MEMO1: variants seen among roughly 807,000 people sequenced by gnomAD.
MEMO1 encodes the protein mediator of cell motility 1.
MEMO1 carries 6 observed loss-of-function variants against 45.2 expected under a neutral mutation model. That is an observed-to-expected ratio of 0.13 (90% CI 0.07 to 0.26). The LOEUF is 0.26. Among genes scored for constraint, MEMO1 ranks in the 10% least tolerant of loss-of-function variants. MEMO1 has a pLI of 1.00. For synonymous variants in MEMO1, 78 were observed against 124.3 expected, an observed-to-expected ratio of 0.63 and a Z score of 2.48; for missense variants, 184 against 370.5, an observed-to-expected ratio of 0.50 and a Z score of 4.13.
intron 4 of MEMO1, among the ~76,000 whole-genome samples, chr2:31,925,923 G>T (rs1683030134): frequency 6.6e-6 from 1 of 152,150 alleles, no homozygotes; most frequent in Non-Finnish European, 1.5e-5. Context: ...TGCTGCATAT[G>T]GAAGTATGTT....
At chr2:31,927,630 T>C (rs1453981515) in intron 4 of MEMO1, among the ~76,000 whole-genome samples, 17 of 142,794 alleles carry the variant, frequency 1.2e-4, no homozygotes. Flanking sequence ...AAGACATTTT[T>C]ATATTTTGTA....
intron 4 of MEMO1, among the ~76,000 whole-genome samples, chr2:31,925,631 G>A (rs1249575790): frequency 1.3e-5 from 2 of 152,046 alleles, no homozygotes; most frequent in African/African-American, 4.8e-5. Flanking sequence ...CTATGCAGCA[G>A]TCCATAAAAT....
At chr2:31,870,512 G>C (rs746958742) in intron 8 of MEMO1, among the ~76,000 whole-genome samples, 1 of 152,032 alleles carries the variant, frequency 6.6e-6, no homozygotes, top group Non-Finnish European at 1.5e-5. Context: ...AAAATGACAC[G>C]AACTAAGAAA....
At chr2:31,982,279 G>A (rs1273246293) in intron 2 of MEMO1, among the ~76,000 whole-genome samples, 4 of 139,520 alleles carry the variant, frequency 2.9e-5, no homozygotes, top group Non-Finnish European at 6.2e-5. Flanking sequence ...CCTGGTGACA[G>A]AGGAAGACTC....
At chr2:31,913,348 G>C (rs1680906422) in intron 6 of MEMO1, among the ~76,000 whole-genome samples, 1 of 151,632 alleles carries the variant, frequency 6.6e-6, no homozygotes, top group Non-Finnish European at 1.5e-5. Context: ...AAAAATGGGG[G>C]GAAGCTTAAA....
chr2:31,905,169 G>C (rs1159329585), intron 6 of MEMO1, among the ~76,000 whole-genome samples: 2 of 152,140 alleles, frequency 1.3e-5, no homozygotes, highest in African/African-American at 4.8e-5. Flanking sequence ...GGGAGGTGGA[G>C]GCTGTGGTGA....
At chr2:31,970,940 G>T (rs1341793881) in intron 2 of MEMO1, among the ~76,000 whole-genome samples, 2 of 152,176 alleles carry the variant, frequency 1.3e-5, no homozygotes, top group Non-Finnish European at 2.9e-5. Flanking sequence ...GAAGGTGGAG[G>T]TTGCAGTGAG....
chr2:32,004,680 T>C (rs905820821), intron 2 of MEMO1, among the ~76,000 whole-genome samples: 2 of 151,786 alleles, frequency 1.3e-5, no homozygotes, highest in African/African-American at 2.4e-5. Flanking sequence ...CCCAGTACTT[T>C]GGGAGGCTGA....
chr2:31,921,118 G>A (rs955134237), intron 4 of MEMO1, among the ~76,000 whole-genome samples: 1 of 152,110 alleles, frequency 6.6e-6, no homozygotes, highest in African/African-American at 2.4e-5. Flanking sequence ...TAGAGATAAG[G>A]TCTTCAAAGA....
At chr2:31,925,475 C>CAAAAAAAAA (rs70964741) in intron 4 of MEMO1, among the ~76,000 whole-genome samples, 11,459 of 77,886 alleles carry the variant, frequency 0.15, 1,874 homozygotes, top group Non-Finnish European at 0.19. Context: ...GACTCCGTCT[C>CAAAAAAAAA]AAAAAAAAAA....
intron 6 of MEMO1, among the ~76,000 whole-genome samples, chr2:31,901,140 G>C (rs1314243162): frequency 6.6e-6 from 1 of 152,104 alleles, no homozygotes; most frequent in Admixed American, 6.5e-5. Context: ...GGGAAGCCAA[G>C]ATGGGCAGAT....
intron 8 of MEMO1, among the ~76,000 whole-genome samples, chr2:31,870,388 G>A (rs1461097065): frequency 6.6e-6 from 1 of 151,904 alleles, no homozygotes; most frequent in South Asian, 2.1e-4. Flanking sequence ...CCTCCTATTG[G>A]CATGAAAAAT....
intron 2 of MEMO1, among the ~76,000 whole-genome samples, chr2:31,993,841 C>CTATT (rs1367313092): frequency 5.3e-5 from 8 of 151,358 alleles, no homozygotes; most frequent in African/African-American, 1.9e-4. Flanking sequence ...CCAAACTATC[C>CTATT]TATTTTTTAT....
chr2:31,970,405 A>C (rs1669244092), intron 2 of MEMO1, among the ~76,000 whole-genome samples: 1 of 152,202 alleles, frequency 6.6e-6, no homozygotes, highest in African/African-American at 2.4e-5. Flanking sequence ...ACATAATTCT[A>C]ATTTAGTTGA....
chr2:31,927,249 G>A (rs1159726364), intron 4 of MEMO1, among the ~76,000 whole-genome samples: 1 of 152,170 alleles, frequency 6.6e-6, no homozygotes, highest in Admixed American at 6.5e-5. Context: ...GAATCCAGGA[G>A]GTGGAGGTTG....
rs541398435 is a variant in MEMO1, at chr2:31,949,187, T to C, written c.62-5804A>G. ...GGAATCTAAATTAGTACAACCACTA[T>C]GGAGAACAGTTTGGAGGCTCCTCAA... On this transcript the variant is annotated intron_variant, in intron 2 of 9. Coordinates refer to ENST00000404530, the MANE Select transcript of MEMO1 (RefSeq NM_001301833.4). Among the ~76,000 whole-genome samples the C allele has an allele frequency of 2.4e-4, 36 of 152,308 alleles. No homozygotes were observed. In the South Asian group the frequency reaches 7.0e-3, roughly 30 times the overall value.
chr2:31,907,311 C>G (rs750758679), intron 6 of MEMO1, among the ~76,000 whole-genome samples: 2 of 152,142 alleles, frequency 1.3e-5, no homozygotes, highest in Non-Finnish European at 2.9e-5. Flanking sequence ...TTTCTTATCT[C>G]TTCTACAAGG....
In MEMO1 at chr2:32,010,417, C is replaced by T. The variant is rs546939640; in HGVS notation, c.-17-153G>A. ...GAGGAGGAGGAAGAGGAGGAGGCGG[C>T]GGCCCAGGAGGAGGAGATGGCAGCC... On this transcript the variant is annotated intron_variant, in intron 1 of 9. Transcript: ENST00000404530. 3.1e-3 allele frequency: 1,252 copies of T among 408,860 alleles called. 17 individuals are homozygous for T. The highest frequency in any genetic ancestry group is 0.024 in the African/African-American group (1,134 of 46,570). 25.3% of individuals were successfully genotyped at this position (408,860 alleles called of 1,614,324 possible). A position where few individuals can be genotyped will look rare whatever the true frequency, so the allele number is the denominator to read the frequency against.
chr2:31,993,234 A>G (rs1406958335), intron 2 of MEMO1, among the ~76,000 whole-genome samples: 1 of 152,246 alleles, frequency 6.6e-6, no homozygotes, highest in Admixed American at 6.5e-5. Flanking sequence ...AAAAATACAC[A>G]TTAAAACTAT....
Sources: gnomAD v4.1 joint callset for allele counts (sites outside exome capture counted in the v4.1 genomes callset) on GRCh38, gnomAD v4.1.1 for gene constraint, MANE v1.5 for transcripts, NCBI Gene and HGNC (gene_info 2026-07-23, HGNC 2026-07-21) for gene names.